Variants in ZNF141 observed in about 807,000 individuals in gnomAD.
ZNF141 encodes zinc finger protein 141.
Under a neutral mutation model 11.3 loss-of-function variants are expected in ZNF141, and 7 were observed. That is an observed-to-expected ratio of 0.62 (90% CI 0.35 to 1.16). The LOEUF (loss-of-function observed/expected upper bound fraction) is 1.16. Among genes scored for constraint, ZNF141 ranks in the 50% most tolerant of loss-of-function variants. The pLI is 0.02. For synonymous variants in ZNF141, 183 were observed against 190.7 expected, an observed-to-expected ratio of 0.96 and a Z score of 0.33; for missense variants, 535 against 554.0, an observed-to-expected ratio of 0.97 and a Z score of 0.34.
chr4:341,419 GTTA>G (rs1721045661), intron 1 of ZNF141, among the ~76,000 whole-genome samples: 1 of 152,098 alleles, frequency 6.6e-6, no homozygotes, highest in Non-Finnish European at 1.5e-5. Context: ...AAGAGAAGTT[GTTA>G]TTATTTGTAT....
At position 378,808 on chromosome 4, in the gene ZNF141, C is replaced by G. The variant is rs1040888961; in HGVS notation, c.*4946C>G. On this transcript the variant is annotated 3_prime_UTR_variant, in exon 4 of 4. Transcript: ENST00000240499. ...GAAAAAAATTTGAAGATTATGGCAG[C>G]TGTTGAATCCAAACAGTTTCTCAGT... Among the ~76,000 whole-genome samples the G allele has an allele frequency of 1.2e-4, 17 of 143,052 alleles. No individual in the cohort carries two copies. Among genetic ancestry groups the G allele is most frequent in the Non-Finnish European group, 2.1e-4 (14 of 66,262 alleles). The allele number at this position is 143,052 out of a possible 152,430, so 93.8% of individuals were successfully genotyped here.
In ZNF141 at chr4:377,808, T is replaced by C. The variant is rs1553854882; in HGVS notation, c.*3946T>C. The stretch of plus-strand genomic sequence containing the variant: ...AACATTAATATAAGTGGGTTGTATA[T>C]TGTACCACCATATGAAGAAACATCA... On this transcript the variant is annotated 3_prime_UTR_variant, in exon 4 of 4. Coordinates refer to ENST00000240499, the MANE Select transcript of ZNF141 (RefSeq NM_003441.4). Among the ~76,000 whole-genome samples, 1 of 152,220 alleles carries C rather than the reference T, an allele frequency of 6.6e-6. No homozygotes were observed. Among genetic ancestry groups the C allele is most frequent in the Non-Finnish European group, 1.5e-5 (1 of 68,040 alleles).
rs1004122824 is a variant in ZNF141, at chr4:346,430, A to G, written c.226+2000A>G. 5.3e-5 allele frequency among the ~76,000 whole-genome samples: 8 copies of G among 152,194 alleles called. No homozygotes were observed. The East Asian group carries it at 9.6e-4, about 18-fold the overall frequency. ...TATAGTCAAGTTCATGAAGAAATCT[A>G]TTACTTCACCTAGATAACCATTTTG... On this transcript the variant is annotated intron_variant, in intron 3 of 3. Transcript: ENST00000240499.
At chr4:367,177 A>G (rs1037807059) in intron 3 of ZNF141, among the ~76,000 whole-genome samples, 6 of 152,132 alleles carry the variant, frequency 3.9e-5, no homozygotes, top group Admixed American at 1.3e-4. Flanking sequence ...ATTTTATATT[A>G]TAATTGTGTA....
At chr4:370,503 A>G (rs568920411) in intron 3 of ZNF141, among the ~76,000 whole-genome samples, 2 of 152,050 alleles carry the variant, frequency 1.3e-5, no homozygotes, top group Non-Finnish European at 2.9e-5. Flanking sequence ...TATTATTCCT[A>G]CTTAGAAGCT....
chr4:351,712 G>T (rs943749631), intron 3 of ZNF141, among the ~76,000 whole-genome samples: 13 of 152,124 alleles, frequency 8.5e-5, no homozygotes, highest in Non-Finnish European at 1.5e-4. Flanking sequence ...CCTGTTGACT[G>T]CAGGGTAAGG....
rs982725907 is a variant in ZNF141, at chr4:379,196, T to G, written c.*5334T>G. ...TACTGTGTTCACGAAGTGGCCAATT[T>G]TGGGACCTTTAGCATCACTTGCCCT... On this transcript the variant is annotated 3_prime_UTR_variant, in exon 4 of 4. Coordinates refer to ENST00000240499, the MANE Select transcript of ZNF141 (RefSeq NM_003441.4). Among the ~76,000 whole-genome samples, 1 of 152,080 alleles carries G rather than the reference T, an allele frequency of 6.6e-6. No individual in the cohort carries two copies. The highest frequency in any genetic ancestry group is 2.4e-5 in the African/African-American group (1 of 41,456).
intron 3 of ZNF141, among the ~76,000 whole-genome samples, chr4:351,316 G>A (rs1553850419): frequency 6.7e-6 from 1 of 149,680 alleles, no homozygotes; most frequent in Admixed American, 6.7e-5. Flanking sequence ...TCACTGCAAT[G>A]TCCGCCTCCC....
intron 3 of ZNF141, among the ~76,000 whole-genome samples, chr4:367,946 A>G (rs1395332203): frequency 1.3e-5 from 2 of 152,182 alleles, no homozygotes; most frequent in African/African-American, 4.8e-5. Context: ...CCTTAGTCAT[A>G]TTATATCGAT....
At chr4:361,551 C>T (rs1021056663) in intron 3 of ZNF141, among the ~76,000 whole-genome samples, 6 of 152,122 alleles carry the variant, frequency 3.9e-5, no homozygotes, top group Admixed American at 1.3e-4. Flanking sequence ...CGACAGGCCC[C>T]GGTGTGTGAC....
rs782233379 is a variant in ZNF141, at chr4:373,121, T to A, written c.684T>A (p.Thr228=). The A allele has an allele frequency of 1.2e-6, 2 of 1,612,270 alleles. No homozygotes were observed. Among genetic ancestry groups the A allele is most frequent in the East Asian group, 2.2e-5 (1 of 44,712 alleles). The change falls in exon 4 of 4, where the codon ACT becomes ACA. Residue 228 remains threonine, a synonymous_variant. Coordinates refer to ENST00000240499, the MANE Select transcript of ZNF141 (RefSeq NM_003441.4). ...KRIHTGEKPF[T]CEECGSIFTT... ...TTCATACTGGAGAGAAACCTTTTAC[T>A]TGTGAAGAATGTGGCAGCATCTTTA...
intron 2 of ZNF141, 42 bp from the exon 3 acceptor site, chr4:344,293 C>T: frequency 6.5e-7 from 1 of 1,532,358 alleles, no homozygotes; most frequent in South Asian, 1.1e-5. Flanking sequence ...TTGGAGAATC[C>T]CCATCAATAG....
At chr4:347,741 GA>G (rs57927172) in intron 3 of ZNF141, among the ~76,000 whole-genome samples, 110 of 146,738 alleles carry the variant, frequency 7.5e-4, no homozygotes, top group South Asian at 8.6e-4. Flanking sequence ...TCTTCTTTGG[GA>G]AAAAAAAAAA....
At chr4:338,666 T>C (rs1720908389) in intron 1 of ZNF141, 1 of 153,026 alleles carries the variant, frequency 6.5e-6, no homozygotes, top group South Asian at 2.1e-4. Context: ...GGCCCCTGGT[T>C]TGTAGACAGG....
Position 380,556 on chromosome 4 carries a change from G to T in ZNF141, c.*6694G>T, listed in dbSNP as rs1553855391. 6.6e-6 allele frequency among the ~76,000 whole-genome samples: 1 copy of T among 152,016 alleles called. No homozygotes were observed. The highest frequency in any genetic ancestry group is 2.4e-5 in the African/African-American group (1 of 41,382). ...AATCCCAGCTACTCAAGAGGTTGAG[G>T]CAGGAGAATCAGTTGAACCTGGGAG... On this transcript the variant is annotated 3_prime_UTR_variant, in exon 4 of 4. Coordinates refer to ENST00000240499, the MANE Select transcript of ZNF141 (RefSeq NM_003441.4).
At chr4:360,225 G>A (rs1722044011) in intron 3 of ZNF141, among the ~76,000 whole-genome samples, 1 of 152,130 alleles carries the variant, frequency 6.6e-6, no homozygotes. Flanking sequence ...TGTGGGTAGG[G>A]AGCCTCCTAT....
At chr4:340,784 C>T (rs1258309131) in intron 1 of ZNF141, among the ~76,000 whole-genome samples, 1 of 152,206 alleles carries the variant, frequency 6.6e-6, no homozygotes, top group African/African-American at 2.4e-5. Flanking sequence ...CCTAATAATG[C>T]CATACTGGAC....
At chr4:369,756 ATATATATATTT>A (rs1178707544) in intron 3 of ZNF141, among the ~76,000 whole-genome samples, 2 of 35,360 alleles carry the variant, frequency 5.7e-5, no homozygotes, top group South Asian at 8.8e-4. Flanking sequence ...ATATATATAT[ATATATATATTT>A]TTTTTTTTTT....
chr4:353,098 T>C (rs1206080857), intron 3 of ZNF141, among the ~76,000 whole-genome samples: 1 of 152,068 alleles, frequency 6.6e-6, no homozygotes, highest in East Asian at 1.9e-4. Flanking sequence ...TCAGGCTGGA[T>C]GTGGTGGCTC....
Sources: allele counts gnomAD v4.1 joint callset (sites outside exome capture counted in the v4.1 genomes callset), GRCh38; gene constraint gnomAD v4.1.1; transcripts MANE v1.5; gene names NCBI Gene and HGNC (gene_info 2026-07-23, HGNC 2026-07-21).